The following TNFRSF21 variants were observed in gnomAD, a reference collection of about 807,000 sequenced individuals.
The protein encoded by TNFRSF21 is tumor necrosis factor receptor superfamily member 21.
A neutral mutation model predicts 45.6 loss-of-function variants in TNFRSF21; 19 were observed. The observed-to-expected ratio is 0.42, with a 90% CI of 0.29 to 0.61. TNFRSF21 has a LOEUF of 0.61. Ranked by LOEUF, TNFRSF21 falls within the 20% of genes least tolerant of loss-of-function variation. The probability of loss-of-function intolerance (pLI) is 0.23; values close to 1 mark genes in which losing one functional copy is unlikely to be tolerated. For missense variants in TNFRSF21, 737 were observed against 851.5 expected, an observed-to-expected ratio of 0.87 and a Z score of 1.67; for synonymous variants, 314 against 335.5, an observed-to-expected ratio of 0.94 and a Z score of 0.70.
Position 47,309,665 on chromosome 6 carries a change from A to C in TNFRSF21, c.-154T>G. 8.5e-7 allele frequency: 1 copy of C among 1,170,596 alleles called. No individual in the cohort carries two copies. The highest frequency in any genetic ancestry group is 1.1e-6 in the Non-Finnish European group (1 of 902,954). The allele number at this position is 1,170,596 out of a possible 1,614,324, so 72.5% of individuals were successfully genotyped here. A position where few individuals can be genotyped will look rare whatever the true frequency, so the allele number is the denominator to read the frequency against. ...GTGCACTGCTGCGGCCGGGCAGAGG[A>C]GGGAGGCGGCAAGGGAGGCTCTAGG... On this transcript the variant is annotated 5_prime_UTR_variant, in exon 1 of 6. Transcript: ENST00000296861.
At chr6:47,275,994 G>GA (rs1762491288) in intron 3 of TNFRSF21, among the ~76,000 whole-genome samples, 1 of 152,158 alleles carries the variant, frequency 6.6e-6, no homozygotes, top group African/African-American at 2.4e-5. Context: ...CAGATAAATT[G>GA]TCACACTGAT....
chr6:47,236,753 C>T (rs1182646693), intron 4 of TNFRSF21, among the ~76,000 whole-genome samples: 1 of 152,168 alleles, frequency 6.6e-6, no homozygotes, highest in East Asian at 1.9e-4. Flanking sequence ...CTTGAAAATG[C>T]ACATGGCCAT....
Position 47,283,229 on chromosome 6 carries a change from A to G in TNFRSF21, c.1243+709T>C, listed in dbSNP as rs16875860. ...AGCTCTGGGACAAGTTCTATAAGCT[A>G]TTTTTTGCCCTCAAAAGAGGAAAGG... On this transcript the variant is annotated intron_variant, in intron 3 of 5. Transcript: ENST00000296861. Among the ~76,000 whole-genome samples the G allele has an allele frequency of 9.8e-4, 149 of 152,240 alleles. 3 individuals are homozygous for G. In the East Asian group the frequency reaches 0.023, roughly 23 times the overall value.
intron 5 of TNFRSF21, 98 bp downstream of exon 5, chr6:47,234,572 C>G (rs1168048472): frequency 3.1e-6 from 3 of 982,424 alleles, no homozygotes; most frequent in Non-Finnish European, 4.6e-6. Context: ...GATGACTCAA[C>G]TCTCAGCTAC....
At chr6:47,258,043 C>T (rs1223671442) in intron 3 of TNFRSF21, among the ~76,000 whole-genome samples, 2 of 152,168 alleles carry the variant, frequency 1.3e-5, no homozygotes, top group Admixed American at 1.3e-4. Flanking sequence ...TGTGTGCTGC[C>T]TCCTGGTCTG....
At chr6:47,234,619 G>T (rs574727455) in intron 5 of TNFRSF21, 51 bp downstream of exon 5, 3 of 1,433,410 alleles carry the variant, frequency 2.1e-6, no homozygotes, top group South Asian at 2.4e-5. Flanking sequence ...AATCCCAGGG[G>T]CTCTTTGGGG....
intron 3 of TNFRSF21, among the ~76,000 whole-genome samples, chr6:47,271,232 AT>A (rs1474842875): frequency 2.0e-5 from 3 of 152,242 alleles, no homozygotes; most frequent in Admixed American, 6.5e-5. Context: ...CAAGGTTGAA[AT>A]AAAGGAAAAA....
intron 1 of TNFRSF21, among the ~76,000 whole-genome samples, chr6:47,289,722 G>A (rs559155291): frequency 7.2e-5 from 11 of 152,152 alleles, no homozygotes; most frequent in Admixed American, 2.6e-4. Context: ...AGCCGGGCAC[G>A]GTGGCTCATG....
chr6:47,309,820 A>G lies in TNFRSF21; in HGVS notation c.-309T>C. The G allele has an allele frequency of 6.5e-6, 2 of 306,200 alleles. No individual in the cohort carries two copies. The highest frequency in any genetic ancestry group is 5.3e-5 in the East Asian group (1 of 18,996). The allele number at this position is 306,200 out of a possible 1,614,324, so 19.0% of individuals were successfully genotyped here. A position where few individuals can be genotyped will look rare whatever the true frequency, so the allele number is the denominator to read the frequency against. On this transcript the variant is annotated 5_prime_UTR_variant, in exon 1 of 6. Coordinates refer to ENST00000296861, the MANE Select transcript of TNFRSF21 (RefSeq NM_014452.5). ...ACCAGGGAGGAGGACTGGGCGCGAG[A>G]GAGCAAAGGAACGACTTCCCATAGC... is the stretch of plus-strand genomic sequence containing the variant.
intron 3 of TNFRSF21, among the ~76,000 whole-genome samples, chr6:47,266,573 A>G (rs1762335512): frequency 6.6e-6 from 1 of 152,208 alleles, no homozygotes; most frequent in South Asian, 2.1e-4. Context: ...AAGCAGCGTT[A>G]TTTCCCCAAA....
rs567647688 is a variant in TNFRSF21 at position 47,292,377 on chromosome 6, T to TAA, written c.97-5784_97-5783dup. On this transcript the variant is annotated intron_variant, in intron 1 of 5. Transcript: ENST00000296861. Reference sequence around the variant, plus strand: ...AGCATCAAAATTACCTGGGAAGCTTTAAAAAAAAAAAATCACACCCCAGCC... The same window carrying TAA: ...AGCATCAAAATTACCTGGGAAGCTTTAAAAAAAAAAAAAATCACACCCCAGCC... 1.2e-4 allele frequency among the ~76,000 whole-genome samples: 17 copies of TAA among 146,940 alleles called. No homozygotes were observed. The South Asian group carries it at 2.8e-3, about 24-fold the overall frequency.
chr6:47,289,811 T>G (rs552983147), intron 1 of TNFRSF21, among the ~76,000 whole-genome samples: 1 of 152,092 alleles, frequency 6.6e-6, no homozygotes, highest in South Asian at 2.1e-4. Flanking sequence ...TTGGTCAACA[T>G]GGTGAAATCC....
intron 3 of TNFRSF21, among the ~76,000 whole-genome samples, chr6:47,277,007 T>C (rs1403506220): frequency 6.6e-6 from 1 of 152,222 alleles, no homozygotes. Flanking sequence ...TGTTTTGTTT[T>C]TTTGAGATGG....
rs967744416 is a variant in TNFRSF21 at position 47,308,709 on chromosome 6, C to T, written c.96+707G>A. Among the ~76,000 whole-genome samples, 224 of 152,346 alleles carry T rather than the reference C, an allele frequency of 1.5e-3. 1 individual carries two copies. Among genetic ancestry groups the T allele is most frequent in the South Asian group, 4.1e-4 (2 of 4,830 alleles). On this transcript the variant is annotated intron_variant, in intron 1 of 5. Transcript: ENST00000296861. ...ACACACATCTCCTTCCCCCTCCCCCCATTCCAGTGCCGGCGCGCTGGCTGG... is the reference window on the plus strand; with the variant it reads ...ACACACATCTCCTTCCCCCTCCCCCTATTCCAGTGCCGGCGCGCTGGCTGG...
intron 3 of TNFRSF21, among the ~76,000 whole-genome samples, chr6:47,261,053 A>AG: frequency 6.6e-6 from 1 of 152,192 alleles, no homozygotes; most frequent in Non-Finnish European, 1.5e-5. Flanking sequence ...GTACACATGG[A>AG]AGACGGGAGA....
intron 4 of TNFRSF21, among the ~76,000 whole-genome samples, chr6:47,239,572 A>G (rs1764717390): frequency 6.6e-6 from 1 of 152,222 alleles, no homozygotes; most frequent in Non-Finnish European, 1.5e-5. Flanking sequence ...GGAATAGGCG[A>G]GAACTCCAGC....
chr6:47,302,874 G>A (rs1370303199), intron 1 of TNFRSF21, among the ~76,000 whole-genome samples: 3 of 152,156 alleles, frequency 2.0e-5, no homozygotes, highest in African/African-American at 7.2e-5. Context: ...ATGACCATAA[G>A]ATTTCTCAAA....
At chr6:47,282,383 T>TGA (rs1762580765) in intron 3 of TNFRSF21, among the ~76,000 whole-genome samples, 1 of 99,872 alleles carries the variant, frequency 1.0e-5, no homozygotes, top group African/African-American at 5.0e-5. Flanking sequence ...AAATTCTGTC[T>TGA]CAAAAAAAAA....
Position 47,286,516 on chromosome 6 carries a change from C to T in TNFRSF21, c.176G>A (p.Arg59His), listed in dbSNP as rs765519597. Residue 59 changes from arginine to histidine, a missense_variant, in exon 2 of 6, where the codon CGT (arginine) becomes CAT (histidine). Physicochemically the swap from Arg to His is conservative, Grantham distance 29. Transcript: ENST00000296861. Reference sequence around the variant, plus strand: ...ACAGGTTAGCACCTGGCCGGTGGCACGGTCAACATGGCGGTATGTGCCAAT... The same window carrying T: ...ACAGGTTAGCACCTGGCCGGTGGCATGGTCAACATGGCGGTATGTGCCAAT... ...NLIGTYRHVD[R>H]ATGQVLTCDK... 49 of 1,614,018 alleles carry T rather than the reference C, an allele frequency of 3.0e-5. No individual in the cohort carries two copies. Among genetic ancestry groups the T allele is most frequent in the Admixed American group, 6.7e-5 (4 of 60,010 alleles).
Sources: allele counts gnomAD v4.1 joint callset (sites outside exome capture counted in the v4.1 genomes callset), GRCh38; gene constraint gnomAD v4.1.1; transcripts MANE v1.5; gene names NCBI Gene and HGNC (gene_info 2026-07-23, HGNC 2026-07-21).